OSBP2: variants seen among roughly 807,000 people sequenced by gnomAD.
The protein encoded by OSBP2 is oxysterol-binding protein 2.
In OSBP2, 66 loss-of-function variants were observed where a neutral mutation model predicts 96.0. The ratio of observed to expected loss-of-function variants is 0.69; its 90% CI spans 0.56 to 0.84. The LOEUF (loss-of-function observed/expected upper bound fraction) is 0.84, where lower values mean the gene tolerates loss of function less well. OSBP2 is among the 40% of genes least tolerant of loss of function. The pLI, the probability that OSBP2 is intolerant of heterozygous loss-of-function variation, is 0.00. For synonymous variants in OSBP2, 525 were observed against 520.9 expected (o/e 1.01, Z -0.11); for missense variants, 1,038 against 1,222.7 (o/e 0.85, Z 2.25).
chr22:30,886,042 A>AAAC (rs796089968), intron 3 of OSBP2, among the ~76,000 whole-genome samples: 25 of 152,376 alleles, frequency 1.6e-4, no homozygotes, highest in African/African-American at 6.0e-4. Flanking sequence ...GTGTCAACAA[A>AAAC]AACAGACTCT....
chr22:30,839,919 T>C (rs1047250297), intron 2 of OSBP2, among the ~76,000 whole-genome samples: 12 of 152,184 alleles, frequency 7.9e-5, no homozygotes, highest in African/African-American at 2.9e-4. Context: ...TTCTTGCCCA[T>C]GCCTATGTCC....
At chr22:30,869,121 C>G (rs2039407629) in intron 2 of OSBP2, among the ~76,000 whole-genome samples, 1 of 152,182 alleles carries the variant, frequency 6.6e-6, no homozygotes, top group Non-Finnish European at 1.5e-5. Context: ...CGCCACCCCC[C>G]AGAGACGCCC....
At position 30,889,650 on chromosome 22, in the gene OSBP2, G is replaced by T. The variant is rs1460632202; in HGVS notation, c.1623+14G>T. On this transcript the variant is annotated intron_variant, in intron 7 of 13. Coordinates refer to ENST00000332585, the MANE Select transcript of OSBP2 (RefSeq NM_030758.4). ...ATCCCCATGCCGGTGGGTGGCTCGGGCAGGGCAGCCCCGACAGGTCCTCTG... is the reference window on the plus strand; with the variant it reads ...ATCCCCATGCCGGTGGGTGGCTCGGTCAGGGCAGCCCCGACAGGTCCTCTG... The T allele has an allele frequency of 6.2e-7, 1 of 1,613,526 alleles. No homozygotes were observed.
At chr22:30,740,202 G>A (rs986551715) in intron 1 of OSBP2, among the ~76,000 whole-genome samples, 1 of 152,172 alleles carries the variant, frequency 6.6e-6, no homozygotes, top group Admixed American at 6.5e-5. Flanking sequence ...CAGTAAGCCA[G>A]GAGTGCTGAT....
chr22:30,790,686 A>G (rs996476630), intron 2 of OSBP2, among the ~76,000 whole-genome samples: 14 of 151,308 alleles, frequency 9.3e-5, no homozygotes, highest in Non-Finnish European at 2.1e-4. Context: ...AGCATACTTT[A>G]TAGGTTAAAG....
At chr22:30,887,699 G>C in intron 4 of OSBP2, 81 bp downstream of exon 4, 1 of 1,226,030 alleles carries the variant, frequency 8.2e-7, no homozygotes, top group Non-Finnish European at 1.1e-6. Flanking sequence ...GCCCCCACAT[G>C]CACATCCCTG....
intron 2 of OSBP2, among the ~76,000 whole-genome samples, chr22:30,843,343 C>T (rs2038794613): frequency 6.6e-6 from 1 of 152,088 alleles, no homozygotes; most frequent in Non-Finnish European, 1.5e-5. Flanking sequence ...CGCCCTGAAG[C>T]CAGGCTCCCA....
At chr22:30,889,355 C>T (rs1364137669) in intron 6 of OSBP2, 121 bp downstream of exon 6, 3 of 1,402,302 alleles carry the variant, frequency 2.1e-6, no homozygotes, top group Admixed American at 3.6e-5. Context: ...TCCAGGAGCA[C>T]CATCCTGGCC....
chr22:30,780,436 G>A (rs2090501923), intron 2 of OSBP2, among the ~76,000 whole-genome samples: 1 of 152,130 alleles, frequency 6.6e-6, no homozygotes. Flanking sequence ...CTGTGACTCT[G>A]GCATTTTCCA....
intron 12 of OSBP2, among the ~76,000 whole-genome samples, chr22:30,897,541 C>CA (rs1226320966): frequency 6.6e-6 from 1 of 151,918 alleles, no homozygotes; most frequent in Non-Finnish European, 1.5e-5. Flanking sequence ...GCAAAATGAC[C>CA]AAAAAATCCC....
chr22:30,804,869 C>G (rs1421317720), intron 2 of OSBP2, among the ~76,000 whole-genome samples: 1 of 152,132 alleles, frequency 6.6e-6, no homozygotes, highest in African/African-American at 2.4e-5. Context: ...AATATGAAGT[C>G]CAGAAGCATA....
intron 1 of OSBP2, among the ~76,000 whole-genome samples, chr22:30,727,589 C>T (rs1477351870): frequency 6.6e-6 from 1 of 152,152 alleles, no homozygotes; most frequent in East Asian, 1.9e-4. Flanking sequence ...CTGGACACTG[C>T]ATGTTGATGC....
chr22:30,717,897 C>T (rs1160395303), intron 1 of OSBP2, among the ~76,000 whole-genome samples: 1 of 152,172 alleles, frequency 6.6e-6, no homozygotes, highest in African/African-American at 2.4e-5. Flanking sequence ...ATCGAGTCCT[C>T]AGCTCACCTG....
At chr22:30,720,098 G>C (rs941165357) in intron 1 of OSBP2, among the ~76,000 whole-genome samples, 3 of 152,178 alleles carry the variant, frequency 2.0e-5, no homozygotes, top group Non-Finnish European at 2.9e-5. Flanking sequence ...ATATTTCTCT[G>C]TCCCACACAG....
At chr22:30,727,305 C>T (rs136369) in intron 1 of OSBP2, among the ~76,000 whole-genome samples, 120,593 of 152,144 alleles carry the variant, frequency 0.79, 48,099 homozygotes, top group East Asian at 0.98. Context: ...CTGTGTCTCT[C>T]AAACATTGCC....
intron 2 of OSBP2, among the ~76,000 whole-genome samples, chr22:30,755,415 A>G (rs1317633217): frequency 5.9e-5 from 9 of 152,232 alleles, no homozygotes; most frequent in Admixed American, 5.2e-4. Context: ...TCAGATTCTC[A>G]TTCCTTTCTT....
chr22:30,795,565 G>A (rs560901200), intron 2 of OSBP2, among the ~76,000 whole-genome samples: 81 of 145,252 alleles, frequency 5.6e-4, no homozygotes, highest in South Asian at 2.1e-3. Context: ...TGTTGCCCAG[G>A]CTGTAGTGCA....
At chr22:30,721,166 G>A (rs575768727) in intron 1 of OSBP2, among the ~76,000 whole-genome samples, 7 of 152,266 alleles carry the variant, frequency 4.6e-5, no homozygotes, top group Non-Finnish European at 8.8e-5. Flanking sequence ...GGAAGAGATT[G>A]CAGGGAGCTG....
At position 30,717,307 on chromosome 22, in the gene OSBP2, C is replaced by G. The variant is rs114492934; in HGVS notation, c.644+21754C>G. ...CATATGGTGTGAGATAAGGGTCTAACTTCATTCTTTTGCACAAGGACATCC... is the reference window on the plus strand; with the variant it reads ...CATATGGTGTGAGATAAGGGTCTAAGTTCATTCTTTTGCACAAGGACATCC... On this transcript the variant is annotated intron_variant, in intron 1 of 13. Transcript: ENST00000332585. Among the ~76,000 whole-genome samples, 974 of 152,218 alleles carry G rather than the reference C, an allele frequency of 6.4e-3. 11 individuals are homozygous for G. Among genetic ancestry groups the G allele is most frequent in the African/African-American group, 0.022 (924 of 41,526 alleles).
Sources: allele counts gnomAD v4.1 joint callset (sites outside exome capture counted in the v4.1 genomes callset), GRCh38; gene constraint gnomAD v4.1.1; transcripts MANE v1.5; gene names NCBI Gene and HGNC (gene_info 2026-07-23, HGNC 2026-07-21).